POC1B: variants seen among roughly 807,000 people sequenced by gnomAD.
POC1B encodes the protein POC1 centriolar protein B, also known as POC1 centriolar protein homolog B.
Under a neutral mutation model 60.6 loss-of-function variants are expected in POC1B, and 44 were observed. That is an observed-to-expected ratio of 0.73 (90% CI 0.57 to 0.93). The LOEUF (loss-of-function observed/expected upper bound fraction) is 0.93. Ranked by LOEUF, POC1B falls within the 40% of genes least tolerant of loss-of-function variation. POC1B has a pLI of 0.00. For synonymous variants in POC1B, 180 were observed against 198.9 expected, an observed-to-expected ratio of 0.90 and a Z score of 0.80; for missense variants, 555 against 572.3, an observed-to-expected ratio of 0.97 and a Z score of 0.31.
intron 3 of POC1B, among the ~76,000 whole-genome samples, chr12:89,494,514 G>T (rs895925511): frequency 2.4e-4 from 36 of 152,206 alleles, no homozygotes; most frequent in African/African-American, 8.2e-4. Context: ...TGACTTTTGA[G>T]GGGAGGTGTT....
chr12:89,471,863 G>A (rs1882914308), intron 5 of POC1B, 134 bp from the exon 6 acceptor site: 1 of 597,414 alleles, frequency 1.7e-6, no homozygotes, highest in South Asian at 2.2e-5. Context: ...CGCCTCCTGG[G>A]TTCAAGTGAT....
At chr12:89,447,870 C>T (rs1003111598) in intron 10 of POC1B, among the ~76,000 whole-genome samples, 2 of 151,994 alleles carry the variant, frequency 1.3e-5, no homozygotes, top group African/African-American at 4.8e-5. Context: ...AATACTGTAA[C>T]ACATACAGCT....
intron 2 of POC1B, among the ~76,000 whole-genome samples, chr12:89,509,845 A>G (rs952279360): frequency 7.2e-5 from 11 of 152,076 alleles, no homozygotes; most frequent in African/African-American, 2.7e-4. Flanking sequence ...AGAGTTCAGG[A>G]TTCAATTTTG....
chr12:89,479,373 A>G (rs1304288610), intron 4 of POC1B, among the ~76,000 whole-genome samples: 1 of 152,196 alleles, frequency 6.6e-6, no homozygotes, highest in East Asian at 1.9e-4. Flanking sequence ...TGAAAGCACC[A>G]CCTTTGAATA....
intron 2 of POC1B, among the ~76,000 whole-genome samples, chr12:89,518,874 C>T (rs925225453): frequency 1.3e-5 from 2 of 152,064 alleles, no homozygotes; most frequent in African/African-American, 4.8e-5. Flanking sequence ...GTTTAGGTCA[C>T]CTATATATAT....
chr12:89,514,398 A>ATTTTTTTT (rs1592641848), intron 2 of POC1B, among the ~76,000 whole-genome samples: 5 of 37,870 alleles, frequency 1.3e-4, no homozygotes, highest in South Asian at 1.1e-3. Flanking sequence ...AGTTTCATGT[A>ATTTTTTTT]TTTCTTTTTT....
At chr12:89,438,005 T>G (rs1200980262) in intron 10 of POC1B, among the ~76,000 whole-genome samples, 1 of 148,824 alleles carries the variant, frequency 6.7e-6, no homozygotes, top group Non-Finnish European at 1.5e-5. Flanking sequence ...GAGCCGACAT[T>G]GTGCCACTGC....
intron 10 of POC1B, among the ~76,000 whole-genome samples, chr12:89,431,234 T>C (rs552181008): frequency 6.6e-6 from 1 of 152,346 alleles, no homozygotes; most frequent in Non-Finnish European, 1.5e-5. Flanking sequence ...GGTTTAATTC[T>C]GTAAGTAGAG....
downstream of POC1B, among the ~76,000 whole-genome samples, chr12:89,415,611 C>T (rs1281814434): frequency 6.6e-6 from 1 of 151,466 alleles, no homozygotes; most frequent in Non-Finnish European, 1.5e-5. Flanking sequence ...CCACTGCACT[C>T]CAGCCTGGGC....
At chr12:89,485,309 GACATTGGTCTAA>G (rs1463174691) in intron 4 of POC1B, 1 of 152,220 alleles carries the variant, frequency 6.6e-6, no homozygotes, top group Non-Finnish European at 1.5e-5. Flanking sequence ...AGGCCCTCCA[GACATTGGTCTAA>G]ACTCTCTTGT....
chr12:89,500,446 G>T, intron 2 of POC1B: 1 of 1,559,870 alleles, frequency 6.4e-7, no homozygotes, highest in Non-Finnish European at 8.8e-7. Context: ...AAGTTCGTCA[G>T]AAAATTCTGG....
At chr12:89,490,609 T>TG (rs1254927230) in intron 4 of POC1B, among the ~76,000 whole-genome samples, 40 of 152,268 alleles carry the variant, frequency 2.6e-4, no homozygotes, top group African/African-American at 9.4e-4. Flanking sequence ...CCTCACAAAG[T>TG]GCTGGGATTA....
rs139506022 is a variant in POC1B at position 89,424,593 on chromosome 12, G to C, written c.1332+568C>G. On this transcript the variant is annotated intron_variant, in intron 11 of 11. Transcript: ENST00000313546. ...ACAATGAATCAACAGAGTTGGAAGA[G>C]AAACCTTTGGTGTATGCATTTCAAC... Among the ~76,000 whole-genome samples the C allele has an allele frequency of 7.2e-5, 11 of 152,324 alleles. No individual in the cohort carries two copies. In the East Asian group the frequency reaches 2.1e-3, roughly 29 times the overall value.
At chr12:89,448,038 A>G (rs1209637316) in intron 10 of POC1B, among the ~76,000 whole-genome samples, 6 of 152,144 alleles carry the variant, frequency 3.9e-5, no homozygotes, top group Non-Finnish European at 7.4e-5. Flanking sequence ...TTCTGCCTAC[A>G]GCCACACAGT....
chr12:89,407,585 A>G, the POC1B span, among the ~76,000 whole-genome samples: 1 of 152,200 alleles, frequency 6.6e-6, no homozygotes. Context: ...TTTGAAAACC[A>G]AAACAAATCA....
At chr12:89,460,807 T>C (rs1448470417) in intron 9 of POC1B, 1 of 152,168 alleles carries the variant, frequency 6.6e-6, no homozygotes, top group African/African-American at 2.4e-5. Context: ...TTCAAATATA[T>C]AAAGTTACAA....
chr12:89,523,559 T>C, intron 2 of POC1B: 2 of 1,597,322 alleles, frequency 1.3e-6, no homozygotes, highest in Non-Finnish European at 8.5e-7. Flanking sequence ...CACACTTCCA[T>C]TCCTGTGTCA....
At chr12:89,425,502 TATA>T (rs1880725346) in intron 10 of POC1B, 123 bp from the exon 11 acceptor site, 2 of 620,036 alleles carry the variant, frequency 3.2e-6, no homozygotes, top group Admixed American at 3.5e-5. Context: ...TATCCCCAAC[TATA>T]ATAAGTTATG....
At chr12:89,459,581 T>G in intron 10 of POC1B, 57 bp downstream of exon 10, 1 of 1,010,902 alleles carries the variant, frequency 9.9e-7, no homozygotes, top group Non-Finnish European at 1.4e-6. Flanking sequence ...AAATGGATTA[T>G]GCCAAATGAT....
Sources: gnomAD v4.1 joint callset for allele counts (sites outside exome capture counted in the v4.1 genomes callset) on GRCh38, gnomAD v4.1.1 for gene constraint, MANE v1.5 for transcripts, NCBI Gene and HGNC (gene_info 2026-07-23, HGNC 2026-07-21) for gene names.